AMOT: variants seen among roughly 807,000 people sequenced by gnomAD.
The protein encoded by AMOT is angiomotin.
AMOT carries 11 observed loss-of-function variants against 67.0 expected under a neutral mutation model. The observed-to-expected ratio is 0.16, with a 90% CI of 0.10 to 0.27. The LOEUF (loss-of-function observed/expected upper bound fraction) is 0.27. AMOT is among the 10% of genes least tolerant of loss of function. The pLI is 1.00. For synonymous variants in AMOT, 326 were observed against 321.4 expected (o/e 1.01, Z -0.15); for missense variants, 753 against 852.0 (o/e 0.88, Z 1.45).
chrX:112,779,335 G>T lies in AMOT; in HGVS notation c.2819C>A (p.Ser940Tyr). 1 of 818,972 alleles carries T rather than the reference G, an allele frequency of 1.2e-6. No homozygotes were observed. The highest frequency in any genetic ancestry group is 1.8e-6 in the Non-Finnish European group (1 of 554,839). The allele number at this position is 818,972 out of a possible 1,213,427, so 67.5% of individuals were successfully genotyped here. A position where few individuals can be genotyped will look rare whatever the true frequency, so the allele number is the denominator to read the frequency against. ...TGGAATCTGACCAGCAGCAGCTGGA[G>T]AAACAGCAGCAGCAGTAGCAGCGGC... ...ATAAATAAAVSPAAAGQIPAA... is the reference protein window; with the variant it reads ...ATAAATAAAVYPAAAGQIPAA... Residue 940 changes from serine to tyrosine, a missense_variant, in exon 13 of 14, where the codon TCT (serine) becomes TAT (tyrosine). Coordinates refer to ENST00000371959, the MANE Select transcript of AMOT (RefSeq NM_001113490.2).
At chrX:112,782,038 G>A (rs192416560) in intron 11 of AMOT, among the ~76,000 whole-genome samples, 9 of 111,178 alleles carry the variant, frequency 8.1e-5, no homozygotes, top group East Asian at 2.8e-4. Flanking sequence ...ACAGGTGCCC[G>A]CCACCACACC....
At chrX:112,832,508 C>A (rs937865257) in intron 1 of AMOT, 138 bp from the exon 2 acceptor site, 2 of 111,718 alleles carry the variant, frequency 1.8e-5, no homozygotes, top group Admixed American at 1.9e-4. Flanking sequence ...AGCATTGGAA[C>A]CCAGGTCTTG....
intron 7 of AMOT, among the ~76,000 whole-genome samples, chrX:112,806,358 C>T (rs1480788035): frequency 2.1e-5 from 2 of 97,028 alleles, no homozygotes; most frequent in South Asian, 4.8e-4. Flanking sequence ...ATGTATAAAA[C>T]GTGTGTGTAT....
At position 112,779,666 on chromosome X, in the gene AMOT, C is replaced by T. The variant is rs145727995; in HGVS notation, c.2488G>A (p.Gly830Arg). Reference protein sequence around the residue: ...WKGSLGILLGGDYRAEYVPST... With the variant: ...WKGSLGILLGRDYRAEYVPST... Reference sequence around the variant, plus strand: ...GGGACATATTCAGCACGGTAGTCTCCACCCAGGAGAATGCCTACAAATGAA... The same window carrying T: ...GGGACATATTCAGCACGGTAGTCTCTACCCAGGAGAATGCCTACAAATGAA... The change falls in exon 13 of 14, where the codon GGA (glycine) becomes AGA (arginine). Residue 830 changes from glycine (G) to arginine (R), a missense_variant. By Grantham distance (125) the Gly-to-Arg change is moderately radical (BLOSUM62 -2). Transcript: ENST00000371959. The T allele has an allele frequency of 1.1e-3, 1,275 of 1,190,326 alleles. 1 individual carries two copies. Among genetic ancestry groups the T allele is most frequent in the Admixed American group, 1.8e-3 (79 of 44,478 alleles).
intron 3 of AMOT, among the ~76,000 whole-genome samples, chrX:112,824,813 A>G (rs193230493): frequency 9.0e-6 from 1 of 111,043 alleles, no homozygotes; most frequent in African/African-American, 3.3e-5. Context: ...GCCCAAAACT[A>G]GAGAGATGAC....
rs1473708655 is a variant in AMOT at position 112,779,621 on chromosome X, G to A, written c.2533C>T (p.Pro845Ser). ...GCCGAGAGCAGGGGAGTCGAGGGTG[G>A]CACAGGCGAGGGTGTGGAAGGGACA... ...EYVPSTPSPV[P>S]PSTPLLSAHS... is the part of the protein sequence containing the mutation. The change falls in exon 13 of 14, where the codon CCA becomes TCA. Residue 845 changes from proline (P) to serine (S), a missense_variant. Pro to Ser is a moderately conservative substitution (Grantham distance 74, BLOSUM62 -1). Transcript: ENST00000371959. The A allele has an allele frequency of 8.3e-7, 1 of 1,210,938 alleles. No homozygotes were observed. The highest frequency in any genetic ancestry group is 3.0e-5 in the East Asian group (1 of 33,811).
intron 10 of AMOT, among the ~76,000 whole-genome samples, chrX:112,789,051 A>T (rs1294201394): frequency 9.0e-6 from 1 of 111,421 alleles, no homozygotes; most frequent in Non-Finnish European, 1.9e-5. Context: ...GTCTATTCTG[A>T]AGTAGGCACC....
chrX:112,804,916 C>CCCCCCGCAA, intron 8 of AMOT, 31 bp downstream of exon 8: 3 of 1,190,649 alleles, frequency 2.5e-6, no homozygotes, highest in Non-Finnish European at 3.4e-6. Context: ...CTCCCACCCC[C>CCCCCCGCAA]AGGCTCATAT....
At chrX:112,795,272 GTGTA>G (rs1933770022) in intron 8 of AMOT, among the ~76,000 whole-genome samples, 3 of 109,435 alleles carry the variant, frequency 2.7e-5, no homozygotes, top group African/African-American at 1.0e-4. Context: ...GTGTGTGTGT[GTGTA>G]TGTGTATGTC....
intron 7 of AMOT, among the ~76,000 whole-genome samples, chrX:112,808,489 C>T (rs752088475): frequency 1.5e-4 from 17 of 111,855 alleles, no homozygotes; most frequent in African/African-American, 2.9e-4. Flanking sequence ...TGTCCCAAGA[C>T]GAAAGAAATT....
intron 8 of AMOT, 31 bp downstream of exon 8, chrX:112,804,916 C>CCCCCCGCCAA: frequency 8.4e-7 from 1 of 1,190,660 alleles, no homozygotes; most frequent in Non-Finnish European, 1.1e-6. Context: ...CTCCCACCCC[C>CCCCCCGCCAA]AGGCTCATAT....
Position 112,785,379 on chromosome X carries a change from C to T in AMOT, c.2118-2717G>A, listed in dbSNP as rs768633799. Among the ~76,000 whole-genome samples, 4 of 111,885 alleles carry T rather than the reference C, an allele frequency of 3.6e-5. No homozygotes were observed. The East Asian group carries it at 1.1e-3, about 31-fold the overall frequency. On this transcript the variant is annotated intron_variant, in intron 10 of 13. Transcript: ENST00000371959. ...ACCTAGTGGCCTTTCAAACTTCAAGCCTATCTTTTCCTATCAGCATCATCG... is the reference window on the plus strand; with the variant it reads ...ACCTAGTGGCCTTTCAAACTTCAAGTCTATCTTTTCCTATCAGCATCATCG...
chrX:112,809,808 A>C, intron 7 of AMOT, 86 bp downstream of exon 7: 1 of 814,879 alleles, frequency 1.2e-6, no homozygotes, highest in Admixed American at 2.3e-5. Context: ...GGCTGTTCTA[A>C]AAGGCTAAAG....
chrX:112,822,025 T>G (rs1934728484), intron 4 of AMOT, among the ~76,000 whole-genome samples: 1 of 112,651 alleles, frequency 8.9e-6, no homozygotes, highest in African/African-American at 3.2e-5. Context: ...CACTAGGCAG[T>G]TGAGGCCATG....
chrX:112,781,800 T>G (rs772444043), intron 11 of AMOT, among the ~76,000 whole-genome samples: 1 of 112,033 alleles, frequency 8.9e-6, no homozygotes, highest in Non-Finnish European at 1.9e-5. Flanking sequence ...ATGAGATCTA[T>G]GAATGAGCGA....
intron 2 of AMOT, among the ~76,000 whole-genome samples, chrX:112,827,430 A>C (rs926648756): frequency 4.5e-5 from 5 of 112,315 alleles, no homozygotes; most frequent in African/African-American, 1.6e-4. Flanking sequence ...ACAAGAACTA[A>C]AACAGTATGA....
At chrX:112,787,598 T>C (rs1359456364) in intron 10 of AMOT, among the ~76,000 whole-genome samples, 1 of 111,846 alleles carries the variant, frequency 8.9e-6, no homozygotes, top group East Asian at 2.8e-4. Context: ...TACACTATTG[T>C]ATACAATTAC....
At chrX:112,820,620 A>G (rs1197091878) in intron 4 of AMOT, among the ~76,000 whole-genome samples, 1 of 110,363 alleles carries the variant, frequency 9.1e-6, no homozygotes, top group African/African-American at 3.3e-5. Context: ...CAGCCAACAC[A>G]CTCCCCTCCC....
chrX:112,811,501 G>C, intron 5 of AMOT, 108 bp from the exon 6 acceptor site: 1 of 900,432 alleles, frequency 1.1e-6, no homozygotes, highest in Non-Finnish European at 1.6e-6. Context: ...AGGGCTCACA[G>C]ATGGCCAGGA....
Sources: gnomAD v4.1 joint callset for allele counts (sites outside exome capture counted in the v4.1 genomes callset) on GRCh38, gnomAD v4.1.1 for gene constraint, MANE v1.5 for transcripts, NCBI Gene and HGNC (gene_info 2026-07-23, HGNC 2026-07-21) for gene names.